Variants in CAMSAP2 observed in about 807,000 individuals in gnomAD.
The protein encoded by CAMSAP2 is calmodulin regulated spectrin associated protein family member 2, also known as calmodulin-regulated spectrin-associated protein 2.
In CAMSAP2, 26 loss-of-function variants were observed where a neutral mutation model predicts 146.1. The ratio of observed to expected loss-of-function variants is 0.18; its 90% CI spans 0.13 to 0.25. CAMSAP2 has a LOEUF of 0.25. Ranked by LOEUF, CAMSAP2 falls within the 10% of genes least tolerant of loss-of-function variation. CAMSAP2 has a pLI of 1.00. For missense variants in CAMSAP2, 1,381 were observed against 1,759.3 expected, an observed-to-expected ratio of 0.78 and a Z score of 3.85; for synonymous variants, 499 against 596.6, an observed-to-expected ratio of 0.84 and a Z score of 2.38.
At chr1:200,851,115 C>G (rs373466763) in intron 11 of CAMSAP2, among the ~76,000 whole-genome samples, 1 of 152,158 alleles carries the variant, frequency 6.6e-6, no homozygotes, top group Non-Finnish European at 1.5e-5. Flanking sequence ...TCCTGTGTCC[C>G]GGAGTTTTCA....
At chr1:200,789,135 A>G (rs956419243) in intron 2 of CAMSAP2, among the ~76,000 whole-genome samples, 1 of 152,030 alleles carries the variant, frequency 6.6e-6, no homozygotes, top group Non-Finnish European at 1.5e-5. Flanking sequence ...TCTGTGGCTT[A>G]TGTTTTTCAT....
chr1:200,755,673 G>A (rs73086639), intron 1 of CAMSAP2, among the ~76,000 whole-genome samples: 15,321 of 152,242 alleles, frequency 0.1, 877 homozygotes, highest in Middle Eastern at 0.14. Flanking sequence ...GGCTCTATGT[G>A]TAGGTACCGT....
chr1:200,828,653 A>C (rs1331275199), intron 4 of CAMSAP2: 2 of 1,501,906 alleles, frequency 1.3e-6, no homozygotes, highest in South Asian at 2.4e-5. Flanking sequence ...TTGTAATTGT[A>C]GAATGGTATT....
chr1:200,852,213 TG>T (rs1558211076), intron 11 of CAMSAP2, among the ~76,000 whole-genome samples: 1 of 152,182 alleles, frequency 6.6e-6, no homozygotes, highest in Admixed American at 6.5e-5. Flanking sequence ...TAAAAATTGG[TG>T]GGGGAACTAC....
chr1:200,852,477 C>T (rs1667646583), intron 11 of CAMSAP2, 64 bp from the exon 12 acceptor site: 2 of 1,554,964 alleles, frequency 1.3e-6, no homozygotes, highest in African/African-American at 1.4e-5. Context: ...GTGACTACAA[C>T]AATTGAAAAT....
intron 2 of CAMSAP2, among the ~76,000 whole-genome samples, chr1:200,768,129 T>C (rs1665008174): frequency 6.6e-6 from 1 of 152,258 alleles, no homozygotes; most frequent in Non-Finnish European, 1.5e-5. Flanking sequence ...TTCTTCAGTG[T>C]CTCACTTTCT....
chr1:200,836,100 T>C (rs1420374117), intron 6 of CAMSAP2, among the ~76,000 whole-genome samples: 1 of 152,080 alleles, frequency 6.6e-6, no homozygotes, highest in Non-Finnish European at 1.5e-5. Flanking sequence ...TTTAATTCAA[T>C]CTTATTTTAA....
At chr1:200,809,945 G>A (rs138964723) in intron 3 of CAMSAP2, among the ~76,000 whole-genome samples, 2,866 of 152,172 alleles carry the variant, frequency 0.019, 47 homozygotes, top group Non-Finnish European at 0.026. Context: ...TGTCTTCCCC[G>A]TCTTACAAAG....
intron 2 of CAMSAP2, among the ~76,000 whole-genome samples, chr1:200,805,206 T>C (rs1235813205): frequency 6.6e-6 from 1 of 152,234 alleles, no homozygotes; most frequent in Non-Finnish European, 1.5e-5. Flanking sequence ...TTCTGCTTCT[T>C]ACAAAGCGTC....
chr1:200,817,155 C>CACACACGTGTGTGTAT (rs1558191912), intron 4 of CAMSAP2, among the ~76,000 whole-genome samples: 61 of 114,586 alleles, frequency 5.3e-4, no homozygotes, highest in Non-Finnish European at 7.3e-4. Context: ...CACATACACA[C>CACACACGTGTGTGTAT]ATACACACAC....
At chr1:200,776,960 G>T (rs150334987) in intron 2 of CAMSAP2, among the ~76,000 whole-genome samples, 180 of 152,238 alleles carry the variant, frequency 1.2e-3, no homozygotes, top group African/African-American at 4.1e-3. Context: ...CTTGCCTCAA[G>T]GCCCCTTATG....
intron 2 of CAMSAP2, among the ~76,000 whole-genome samples, chr1:200,807,113 T>C (rs148634638): frequency 6.6e-6 from 1 of 152,162 alleles, no homozygotes; most frequent in Non-Finnish European, 1.5e-5. Context: ...TTATAAAAAA[T>C]AGGAAAAACA....
Position 200,849,852 on chromosome 1 carries a change from C to T in CAMSAP2, c.3083C>T (p.Pro1028Leu). 1 of 1,614,074 alleles carries T rather than the reference C, an allele frequency of 6.2e-7. No homozygotes were observed. The highest frequency in any genetic ancestry group is 8.5e-7 in the Non-Finnish European group (1 of 1,180,014). The change falls in exon 11 of 17, where the codon CCT (proline) becomes CTT (leucine). Residue 1028 changes from proline to leucine, a missense_variant. By Grantham distance (98) the Pro-to-Leu change is moderately conservative. Transcript: ENST00000358823. This position sits in a 1 kb window ranked among gnomAD's most constrained non-coding sequence, Gnocchi z 6.3. ...SFVCFGDDGE[P>L]QLKESKPKEE... ...GTATGTTTTGGGGATGATGGAGAAC[C>T]TCAGTTAAAGGAATCCAAACCTAAA...
At chr1:200,814,476 G>A (rs1057141722) in intron 3 of CAMSAP2, among the ~76,000 whole-genome samples, 3 of 151,824 alleles carry the variant, frequency 2.0e-5, no homozygotes, top group Non-Finnish European at 4.4e-5. Flanking sequence ...CGGGCATGAT[G>A]GCGGGCGCCT....
At chr1:200,786,262 C>A (rs1665586569) in intron 2 of CAMSAP2, among the ~76,000 whole-genome samples, 1 of 151,532 alleles carries the variant, frequency 6.6e-6, no homozygotes, top group South Asian at 2.1e-4. Context: ...TTTATTATTT[C>A]TTTTCTTTTT....
chr1:200,751,130 T>C (rs1334140549), intron 1 of CAMSAP2, among the ~76,000 whole-genome samples: 2 of 151,262 alleles, frequency 1.3e-5, no homozygotes, highest in African/African-American at 4.9e-5. Flanking sequence ...CTTGAACTCC[T>C]GACCTCAAGT....
chr1:200,852,426 G>A, intron 11 of CAMSAP2, 115 bp from the exon 12 acceptor site: 1 of 1,126,212 alleles, frequency 8.9e-7, no homozygotes. Flanking sequence ...CAGAAGGGTT[G>A]TAATAGTTCA....
intron 11 of CAMSAP2, among the ~76,000 whole-genome samples, chr1:200,852,265 C>CT (rs2102260717): frequency 6.6e-6 from 1 of 152,142 alleles, no homozygotes; most frequent in South Asian, 2.1e-4. Context: ...AAAATTTGTG[C>CT]TTTTTTGTTT....
chr1:200,800,030 A>G (rs1475887706), intron 2 of CAMSAP2, among the ~76,000 whole-genome samples: 1 of 152,140 alleles, frequency 6.6e-6, no homozygotes, highest in Non-Finnish European at 1.5e-5. Flanking sequence ...GTGGTCTGAG[A>G]GACTGTTTGT....
Sources: allele counts gnomAD v4.1 joint callset (sites outside exome capture counted in the v4.1 genomes callset), GRCh38; gene constraint gnomAD v4.1.1; non-coding constraint Gnocchi (gnomAD v3.1); transcripts MANE v1.5; gene names NCBI Gene and HGNC (gene_info 2026-07-23, HGNC 2026-07-21).